COL2A1: variants seen among roughly 807,000 people sequenced by gnomAD.
The protein encoded by COL2A1 is collagen alpha-1(II) chain.
In COL2A1, 28 loss-of-function variants were observed where a neutral mutation model predicts 204.5. That is an observed-to-expected ratio of 0.14 (90% confidence interval 0.10 to 0.19). COL2A1 has a LOEUF of 0.19. COL2A1 is among the 10% of genes least tolerant of loss of function. COL2A1 has a pLI of 1.00. For synonymous variants in COL2A1, 708 were observed against 718.7 expected (o/e 0.99, Z 0.24); for missense variants, 1,388 against 2,027.5 (o/e 0.68, Z 6.06).
At position 47,974,747 on chromosome 12, in the gene COL2A1, C is replaced by T. The variant is rs761364583; in HGVS notation, c.4002G>A (p.Lys1334=). The change falls in exon 52 of 54, where the codon AAG becomes AAA. Residue 1334 remains lysine, a synonymous_variant. Coordinates refer to ENST00000380518, the MANE Select transcript of COL2A1 (RefSeq NM_001844.5). ...CCTTGCTCTTGCTGCTCCACCAGTTCTTCTTGGGAACGTTTGCTGGATTGG... is the reference window on the plus strand; with the variant it reads ...CCTTGCTCTTGCTGCTCCACCAGTTTTTCTTGGGAACGTTTGCTGGATTGG... ...VYPNPANVPK[K]NWWSSKSKEK... is the part of the protein sequence containing the mutation. 3 of 1,614,224 alleles carry T rather than the reference C, an allele frequency of 1.9e-6. No individual in the cohort carries two copies. The South Asian group carries it at 3.3e-5, about 18-fold the overall frequency.
At chr12:47,996,526 A>G (rs1308789877) in intron 8 of COL2A1, 22 bp downstream of exon 8, 1 of 1,610,026 alleles carries the variant, frequency 6.2e-7, no homozygotes, top group Non-Finnish European at 8.5e-7. Flanking sequence ...TTTGGCTGCA[A>G]AGAACTAGTG....
In COL2A1 at chr12:47,978,395, C is replaced by T. The variant is rs1166535671; in HGVS notation, c.2899G>A (p.Ala967Thr). 6.2e-7 allele frequency: 1 copy of T among 1,613,864 alleles called. No homozygotes were observed. The highest frequency in any genetic ancestry group is 8.5e-7 in the Non-Finnish European group (1 of 1,179,922). Residue 967 changes from alanine (A) to threonine (T), a missense_variant, in exon 43 of 54, where the codon GCC becomes ACC. By Grantham distance (58) the Ala-to-Thr change is moderately conservative (BLOSUM62 0). This residue lies in a region of COL2A1 where 884 missense variants were observed against 1,415.8 expected (regional missense o/e 0.62). Coordinates refer to ENST00000380518, the MANE Select transcript of COL2A1 (RefSeq NM_001844.5). The surrounding 1 kb of genome is among the most constrained non-coding windows in gnomAD (Gnocchi z 5.5). ...CCCTGGGGACCTGGTGGACCTTCGG[C>T]ACCCTGAGAGAGGAGAGGCAGGAGA... The part of the protein sequence containing the change: ...GEPGDDGPSG[A>T]EGPPGPQGLA...
At chr12:48,004,196 A>G in intron 1 of COL2A1, 41 bp downstream of exon 1, 2 of 1,407,972 alleles carry the variant, frequency 1.4e-6, no homozygotes, top group Non-Finnish European at 2.0e-6. Flanking sequence ...TGAGGGACGC[A>G]TGGAAAGCAG....
chr12:47,992,317 T>C (rs1370722381), intron 16 of COL2A1, among the ~76,000 whole-genome samples: 1 of 152,180 alleles, frequency 6.6e-6, no homozygotes, highest in Non-Finnish European at 1.5e-5. Context: ...GTCTCGGTTT[T>C]TTCATCCGTA....
At position 47,978,172 on chromosome 12, in the gene COL2A1, G is replaced by A. The variant is rs1938827533; in HGVS notation, c.3004-55C>T. 2 of 1,582,766 alleles carry A rather than the reference G, an allele frequency of 1.3e-6. No homozygotes were observed. Among genetic ancestry groups the A allele is most frequent in the Admixed American group, 1.7e-5 (1 of 57,548 alleles). The stretch of plus-strand genomic sequence containing the variant: ...GCAAGTGGTAAGCACCCCTGCCCAG[G>A]GCCCACTGACCCTTCAGGGAGAGGG... On this transcript the variant is annotated intron_variant, in intron 43 of 53. Coordinates refer to ENST00000380518, the MANE Select transcript of COL2A1 (RefSeq NM_001844.5). This position sits in a 1 kb window ranked among gnomAD's most constrained non-coding sequence, Gnocchi z 5.5.
Position 47,974,821 on chromosome 12 carries a change from C to T in COL2A1, c.3928G>A (p.Ala1310Thr), listed in dbSNP as rs768451951. The change falls in exon 52 of 54, where the codon GCC becomes ACC. Residue 1310 changes from alanine to threonine, a missense_variant. By Grantham distance (58) the Ala-to-Thr change is moderately conservative. Coordinates refer to ENST00000380518, the MANE Select transcript of COL2A1 (RefSeq NM_001844.5). ...IDPNQGCTLD[A>T]MKVFCNMETG... is the part of the protein sequence containing the mutation. ...TCCATGTTGCAGAAAACCTTCATGG[C>T]GTCCAAGGTGCAGCCTTGGTTGGGG... The T allele has an allele frequency of 6.8e-6, 11 of 1,614,086 alleles. No individual in the cohort carries two copies. Among genetic ancestry groups the T allele is most frequent in the South Asian group, 4.4e-5 (4 of 91,082 alleles).
At position 47,980,769 on chromosome 12, in the gene COL2A1, G is replaced by A; in HGVS notation, c.2518-108C>T. ...GTATCTGCGTGTGTGTCCTGGTCTG[G>A]ACATGATGGTTCTATTAGTATGGAG... On this transcript the variant is annotated intron_variant, in intron 38 of 53. Transcript: ENST00000380518. This position sits in a 1 kb window ranked among gnomAD's most constrained non-coding sequence, Gnocchi z 4.5. 1 of 1,398,598 alleles carries A rather than the reference G, an allele frequency of 7.2e-7. No homozygotes were observed. Among genetic ancestry groups the A allele is most frequent in the Non-Finnish European group, 9.9e-7 (1 of 1,007,286 alleles). The allele number at this position is 1,398,598 out of a possible 1,614,324, so 86.6% of individuals were successfully genotyped here.
Position 47,995,990 on chromosome 12 carries a change from C to T in COL2A1, c.610-71G>A, listed in dbSNP as rs766122121. 7 of 1,261,228 alleles carry T rather than the reference C, an allele frequency of 5.6e-6. No individual in the cohort carries two copies. The Admixed American group carries it at 1.2e-4, about 21-fold the overall frequency. 78.1% of individuals were successfully genotyped at this position (1,261,228 alleles called of 1,614,324 possible). On this transcript the variant is annotated intron_variant, in intron 8 of 53. Coordinates refer to ENST00000380518, the MANE Select transcript of COL2A1 (RefSeq NM_001844.5). The stretch of plus-strand genomic sequence containing the variant: ...AGTGGCCTCCAGTGTGCCATCTTCT[C>T]CCAGCCAACAGCCCGGGCAAAGGAC...
At position 48,000,045 on chromosome 12, in the gene COL2A1, C is replaced by T. The variant is rs1940157547; in HGVS notation, c.166G>A (p.Val56Ile). The T allele has an allele frequency of 3.1e-6, 5 of 1,614,032 alleles. No individual in the cohort carries two copies. The highest frequency in any genetic ancestry group is 1.7e-4 in the Middle Eastern group (1 of 6,060). Residue 56 changes from valine to isoleucine, a missense_variant, in exon 2 of 54, where the codon GTC becomes ATC. Physicochemically the swap from Val to Ile is conservative, Grantham distance 29. Coordinates refer to ENST00000380518, the MANE Select transcript of COL2A1 (RefSeq NM_001844.5). ...VWKPEPCRIC[V>I]CDTGTVLCDD... ...CAGAGGACAGTCCCAGTGTCACAGA[C>T]ACAGATCCGGCAGGGCTCCGGCTTC...
At chr12:47,996,328 C>T (rs1401856262) in intron 8 of COL2A1, among the ~76,000 whole-genome samples, 2 of 152,206 alleles carry the variant, frequency 1.3e-5, no homozygotes, top group Admixed American at 1.3e-4. Flanking sequence ...ATGCATCTCC[C>T]CATCTTCATT....
chr12:47,992,924 C>T lies in COL2A1; in HGVS notation c.977G>A (p.Arg326His). Residue 326 changes from arginine (R) to histidine (H), a missense_variant, in exon 16 of 54, where the codon CGT (arginine) becomes CAT (histidine). Arg to His is a conservative substitution (Grantham distance 29). This residue lies in a region of COL2A1 where 884 missense variants were observed against 1,415.8 expected (regional missense o/e 0.62). Transcript: ENST00000380518. ...ENGSPGPMGP[R>H]GLPGERGRTG... ...CCGTCCTCTTTCACCAGGCAGGCCA[C>T]GAGGACCCTGGAACACACACCAGGA... The T allele has an allele frequency of 3.7e-6, 6 of 1,614,164 alleles. No homozygotes were observed. The highest frequency in any genetic ancestry group is 2.2e-5 in the South Asian group (2 of 91,076).
Position 48,000,088 on chromosome 12 carries a change from A to G in COL2A1, c.123T>C (p.Tyr41=), listed in dbSNP as rs1226870134. The G allele has an allele frequency of 2.5e-6, 4 of 1,613,678 alleles. No homozygotes were observed. The highest frequency in any genetic ancestry group is 3.3e-4 in the Middle Eastern group (2 of 5,980). Residue 41 remains tyrosine, a synonymous_variant, in exon 2 of 54, where the codon TAT becomes TAC. Coordinates refer to ENST00000380518, the MANE Select transcript of COL2A1 (RefSeq NM_001844.5). ...CCGGCTTCCACACATCCTTATCATT[A>G]TACCTCTGCCCATCCTGCACACAGC... ...AGSCVQDGQR[Y]NDKDVWKPEP...
intron 26 of COL2A1, 85 bp downstream of exon 26, chr12:47,985,449 C>A: frequency 6.9e-7 from 1 of 1,445,566 alleles, no homozygotes; most frequent in South Asian, 1.1e-5. Flanking sequence ...TCAGGCCTCC[C>A]TAACCCAAAC....
In COL2A1 at chr12:47,998,696, G is replaced by A. The variant is rs79120975; in HGVS notation, c.293-265C>T. 1,857 of 486,030 alleles carry A rather than the reference G, an allele frequency of 3.8e-3. 14 individuals carry two copies. In the Middle Eastern group the frequency reaches 0.039, roughly 10 times the overall value. 30.1% of individuals were successfully genotyped at this position (486,030 alleles called of 1,614,324 possible). A position where few individuals can be genotyped will look rare whatever the true frequency, so the allele number is the denominator to read the frequency against. Reference sequence around the variant, plus strand: ...GCAGCATGCAAAAGAAAGGAGCAAGGGCAGCACAAAAAGGCAATGAAGAGC... The same window carrying A: ...GCAGCATGCAAAAGAAAGGAGCAAGAGCAGCACAAAAAGGCAATGAAGAGC... On this transcript the variant is annotated intron_variant, in intron 2 of 53. Transcript: ENST00000380518.
upstream of COL2A1, among the ~76,000 whole-genome samples, chr12:48,004,885 TG>T (rs1009098151): frequency 6.6e-6 from 1 of 151,758 alleles, no homozygotes; most frequent in Non-Finnish European, 1.5e-5. Context: ...GGAAAAGACA[TG>T]GGAGGGAGGA....
intron 26 of COL2A1, 125 bp from the exon 27 acceptor site, chr12:47,985,218 G>T: frequency 1.3e-6 from 1 of 798,172 alleles, no homozygotes; most frequent in Middle Eastern, 3.1e-4. Context: ...CAGCATCTAG[G>T]ATTGACCACA....
At chr12:47,994,536 C>CA in intron 11 of COL2A1, 59 bp from the exon 12 acceptor site, 1 of 1,577,924 alleles carries the variant, frequency 6.3e-7, no homozygotes, top group Non-Finnish European at 8.7e-7. Context: ...ATAGTGGGGG[C>CA]ACCCCAGAGG....
chr12:47,979,444 C>T, intron 41 of COL2A1, 67 bp downstream of exon 41: 1 of 1,552,198 alleles, frequency 6.4e-7, no homozygotes, highest in Non-Finnish European at 8.9e-7. Flanking sequence ...CTCTCCAGAC[C>T]CTGTTGGGTG....
At chr12:47,975,209 T>C (rs1404383168) in intron 51 of COL2A1, 108 bp downstream of exon 51, 7 of 1,424,438 alleles carry the variant, frequency 4.9e-6, no homozygotes, top group Non-Finnish European at 6.8e-6. Flanking sequence ...GGCGGAAACT[T>C]CCAGGCCCAG....
Sources: gnomAD v4.1 joint callset for allele counts (sites outside exome capture counted in the v4.1 genomes callset) on GRCh38, gnomAD v4.1.1 for gene constraint, gnomAD v4.1.1 regional missense constraint, Gnocchi (gnomAD v3.1) non-coding constraint, MANE v1.5 for transcripts, NCBI Gene and HGNC (gene_info 2026-07-23, HGNC 2026-07-21) for gene names.